The following FAF1 variants were observed in gnomAD, a reference collection of about 807,000 sequenced individuals.
FAF1 encodes the protein Fas associated factor 1.
A neutral mutation model predicts 92.5 loss-of-function variants in FAF1; 25 were observed. The observed-to-expected ratio is 0.27, with a 90% CI of 0.20 to 0.38. The LOEUF (loss-of-function observed/expected upper bound fraction) is 0.38, where lower values mean the gene tolerates loss of function less well. Among genes scored for constraint, FAF1 ranks in the 10% least tolerant of loss-of-function variants. The probability of loss-of-function intolerance (pLI) is 1.00; values close to 1 mark genes in which losing one functional copy is unlikely to be tolerated. For missense variants in FAF1, 636 were observed against 793.3 expected, an observed-to-expected ratio of 0.80 and a Z score of 2.38; for synonymous variants, 234 against 273.2, an observed-to-expected ratio of 0.86 and a Z score of 1.42.
At chr1:50,714,379 G>A (rs1658087817) in intron 6 of FAF1, among the ~76,000 whole-genome samples, 1 of 151,626 alleles carries the variant, frequency 6.6e-6, no homozygotes. Flanking sequence ...TAGGTGTGGT[G>A]GCGGCCGCCT....
chr1:50,831,677 C>T (rs1310129886), intron 2 of FAF1, among the ~76,000 whole-genome samples: 1 of 151,988 alleles, frequency 6.6e-6, no homozygotes, highest in Non-Finnish European at 1.5e-5. Flanking sequence ...AAATTCATGT[C>T]TTTTTCTAAA....
At position 50,513,447 on chromosome 1, in the gene FAF1, G is replaced by A. The variant is rs536407816; in HGVS notation, c.1495-21646C>T. Among the ~76,000 whole-genome samples, 21 of 152,168 alleles carry A rather than the reference G, an allele frequency of 1.4e-4. No individual in the cohort carries two copies. The South Asian group carries it at 2.7e-3, about 20-fold the overall frequency. On this transcript the variant is annotated intron_variant, in intron 15 of 18. Transcript: ENST00000396153. ...GGAGGTTGCAGTGAGATGAGATCGC[G>A]CCATTGCACTCCAGTCTGGGTGACC...
chr1:50,936,731 C>T (rs570611317), intron 1 of FAF1, among the ~76,000 whole-genome samples: 1 of 152,142 alleles, frequency 6.6e-6, no homozygotes, highest in South Asian at 2.1e-4. Context: ...ATTTGGAAAC[C>T]ACATGGGATG....
intron 1 of FAF1, among the ~76,000 whole-genome samples, chr1:50,949,917 A>G (rs1645201158): frequency 6.6e-6 from 1 of 152,026 alleles, no homozygotes; most frequent in African/African-American, 2.4e-5. Context: ...GCTGGTGTGC[A>G]GCGGTGCAAT....
chr1:50,723,715 C>G (rs1468401905), intron 6 of FAF1, among the ~76,000 whole-genome samples: 2 of 152,068 alleles, frequency 1.3e-5, no homozygotes, highest in African/African-American at 2.4e-5. Flanking sequence ...AGTTCAAGAC[C>G]AGCCTGGGCA....
At chr1:50,449,527 G>C (rs1205348046) in intron 18 of FAF1, among the ~76,000 whole-genome samples, 1 of 129,094 alleles carries the variant, frequency 7.7e-6, no homozygotes, top group East Asian at 2.2e-4. Flanking sequence ...GTCTCGCTCT[G>C]TTGCCAGGCT....
At chr1:50,837,889 G>A (rs1234992817) in intron 2 of FAF1, among the ~76,000 whole-genome samples, 5 of 151,956 alleles carry the variant, frequency 3.3e-5, no homozygotes, top group African/African-American at 4.8e-5. Context: ...GACTACAGGC[G>A]TGTGACACCA....
Position 50,490,434 on chromosome 1 carries a change from AGG to A in FAF1, c.1653+152_1653+153del, listed in dbSNP as rs1487166295. ...AAGGAAGGAAGGAAGGAAGGAAGGAAGGAAGGAAGGAAGGAAGGAAGGAAGGA... is the reference window on the plus strand; with the variant it reads ...AAGGAAGGAAGGAAGGAAGGAAGGAAAAGGAAGGAAGGAAGGAAGGAAGGA... On this transcript the variant is annotated intron_variant, in intron 17 of 18. Transcript: ENST00000396153. 5.6e-3 allele frequency among the ~76,000 whole-genome samples: 714 copies of A among 128,102 alleles called. 24 individuals carry two copies. Among genetic ancestry groups the A allele is most frequent in the Non-Finnish European group, 5.7e-3 (334 of 58,480 alleles). The allele number at this position is 128,102 out of a possible 152,430, so 84.0% of individuals were successfully genotyped here.
chr1:50,526,475 AT>A (rs1224988364), intron 15 of FAF1, among the ~76,000 whole-genome samples: 1 of 151,400 alleles, frequency 6.6e-6, no homozygotes, highest in Admixed American at 6.6e-5. Flanking sequence ...TAATTTTAAA[AT>A]TTTTTTCATA....
intron 7 of FAF1, among the ~76,000 whole-genome samples, chr1:50,681,926 C>T (rs1656444753): frequency 6.6e-6 from 1 of 151,868 alleles, no homozygotes; most frequent in South Asian, 2.1e-4. Context: ...TTCCACCTCC[C>T]AGGCCCAAGC....
intron 2 of FAF1, among the ~76,000 whole-genome samples, chr1:50,819,720 TATATATATAC>T (rs1177328149): frequency 0.02 from 490 of 25,098 alleles, 54 homozygotes; most frequent in African/African-American, 0.054. Context: ...TATATACGTA[TATATATATAC>T]ATATATATAC....
chr1:50,711,660 T>A (rs1657939147), intron 6 of FAF1, among the ~76,000 whole-genome samples: 1 of 151,774 alleles, frequency 6.6e-6, no homozygotes, highest in African/African-American at 2.4e-5. Context: ...AGAGACAAGG[T>A]TTTACTATAT....
At chr1:50,621,028 G>T (rs1653172463) in intron 8 of FAF1, among the ~76,000 whole-genome samples, 1 of 152,250 alleles carries the variant, frequency 6.6e-6, no homozygotes, top group Non-Finnish European at 1.5e-5. Flanking sequence ...CCTGTGGAGG[G>T]AGGCACACCC....
intron 1 of FAF1, among the ~76,000 whole-genome samples, chr1:50,913,803 T>C (rs568196404): frequency 2.8e-4 from 43 of 152,224 alleles, no homozygotes; most frequent in African/African-American, 1.0e-3. Flanking sequence ...ACAGCAGAAA[T>C]AGAGCAGGAA....
chr1:50,732,997 C>T (rs1202072730), intron 6 of FAF1, among the ~76,000 whole-genome samples: 3 of 152,030 alleles, frequency 2.0e-5, no homozygotes, highest in African/African-American at 7.2e-5. Flanking sequence ...CCTTCTTCAA[C>T]TGTAGTTCCC....
chr1:50,553,551 T>C (rs1028976175), intron 13 of FAF1, among the ~76,000 whole-genome samples: 1 of 152,120 alleles, frequency 6.6e-6, no homozygotes, highest in African/African-American at 2.4e-5. Flanking sequence ...TTTAGATGAT[T>C]CCCTGAGTTC....
intron 13 of FAF1, among the ~76,000 whole-genome samples, chr1:50,555,155 C>T (rs1362051120): frequency 2.0e-5 from 3 of 151,702 alleles, no homozygotes; most frequent in African/African-American, 4.8e-5. Context: ...CCCAGGTGGT[C>T]GAGGCTGCAG....
intron 7 of FAF1, among the ~76,000 whole-genome samples, chr1:50,679,128 T>G (rs747709387): frequency 6.6e-5 from 10 of 152,186 alleles, no homozygotes; most frequent in Non-Finnish European, 1.2e-4. Context: ...AGATCTTTTA[T>G]CTACCAAACA....
chr1:50,544,773 T>C (rs573325157), intron 13 of FAF1, among the ~76,000 whole-genome samples: 46 of 151,790 alleles, frequency 3.0e-4, no homozygotes, highest in Admixed American at 2.7e-3. Flanking sequence ...TAAAATAGAG[T>C]GGTCAGGGAA....
Sources: gnomAD v4.1 joint callset for allele counts (sites outside exome capture counted in the v4.1 genomes callset) on GRCh38, gnomAD v4.1.1 for gene constraint, MANE v1.5 for transcripts, NCBI Gene and HGNC (gene_info 2026-07-23, HGNC 2026-07-21) for gene names.